The following ATP10A variants were observed in gnomAD, a reference collection of about 807,000 sequenced individuals.
ATP10A encodes ATPase phospholipid transporting 10A (putative).
ATP10A carries 111 observed loss-of-function variants against 147.8 expected under a neutral mutation model. The ratio of observed to expected loss-of-function variants is 0.75; its 90% CI spans 0.64 to 0.88. The LOEUF is 0.88. ATP10A is among the 40% of genes least tolerant of loss of function. ATP10A has a pLI of 0.00. For synonymous variants in ATP10A, 875 were observed against 841.6 expected, an observed-to-expected ratio of 1.04 and a Z score of -0.69; for missense variants, 1,927 against 1,959.0, an observed-to-expected ratio of 0.98 and a Z score of 0.31.
intron 1 of ATP10A, among the ~76,000 whole-genome samples, chr15:25,790,900 A>G (rs1209457989): frequency 1.3e-5 from 2 of 152,126 alleles, no homozygotes; most frequent in African/African-American, 4.8e-5. Context: ...ATTCATTGGT[A>G]TGACAATCCC....
chr15:25,736,332 A>C (rs1028981141), intron 2 of ATP10A, among the ~76,000 whole-genome samples, 191 bp from the exon 3 acceptor site: 1 of 152,232 alleles, frequency 6.6e-6, no homozygotes, highest in Non-Finnish European at 1.5e-5. Context: ...ATCATTTTAT[A>C]ACGAGTGACA....
intron 1 of ATP10A, among the ~76,000 whole-genome samples, chr15:25,809,543 C>G (rs1891339286): frequency 6.6e-6 from 1 of 152,118 alleles, no homozygotes; most frequent in Non-Finnish European, 1.5e-5. Flanking sequence ...GAATGATATT[C>G]TTTTTGTAAA....
At chr15:25,810,947 G>C (rs1385195170) in intron 1 of ATP10A, among the ~76,000 whole-genome samples, 1 of 152,142 alleles carries the variant, frequency 6.6e-6, no homozygotes, top group East Asian at 1.9e-4. Flanking sequence ...TCTGATCTGA[G>C]AGTCAGCAGA....
At chr15:25,756,197 T>C (rs1888398305) in intron 2 of ATP10A, among the ~76,000 whole-genome samples, 1 of 152,222 alleles carries the variant, frequency 6.6e-6, no homozygotes, top group African/African-American at 2.4e-5. Context: ...AAGCAGAAGA[T>C]TGACAAAGGA....
chr15:25,775,255 G>A (rs571953459), intron 2 of ATP10A, among the ~76,000 whole-genome samples: 105 of 152,174 alleles, frequency 6.9e-4, no homozygotes, highest in Non-Finnish European at 1.3e-3. Context: ...AGCATGTGTA[G>A]GTAGCAGTTT....
At chr15:25,805,144 CCT>C (rs1363913453) in intron 1 of ATP10A, among the ~76,000 whole-genome samples, 2 of 152,190 alleles carry the variant, frequency 1.3e-5, no homozygotes, top group Non-Finnish European at 2.9e-5. Context: ...CTATGGGACC[CCT>C]GTCTGCCACG....
rs1889901783 is a variant in ATP10A, at chr15:25,781,121, G to C, written c.552C>G (p.Leu184=). 6.2e-7 allele frequency: 1 copy of C among 1,614,104 alleles called. No homozygotes were observed. The highest frequency in any genetic ancestry group is 8.5e-7 in the Non-Finnish European group (1 of 1,180,056). The part of the protein sequence containing the change: ...NEIFPADILL[L]SSSDPDGLCH... ...ATAGCCCGTCGGGGTCACTGGAGGA[G>C]AGCAGCAGAATGTCCGCAGGGAAGA... The change falls in exon 2 of 21, where the codon CTC becomes CTG. Residue 184 remains leucine, a synonymous_variant. Transcript: ENST00000555815.
rs1407237885 is a variant in ATP10A, at chr15:25,680,791, C to T, written c.3678+19G>A. The T allele has an allele frequency of 1.9e-6, 3 of 1,599,064 alleles. No homozygotes were observed. The highest frequency in any genetic ancestry group is 4.5e-5 in the East Asian group (2 of 44,820). On this transcript the variant is annotated intron_variant, in intron 19 of 20. Transcript: ENST00000555815. ...GCATCAGTGCTCTTCTGAGACGTGGCCATGCAGGCGGCTCTTACCCAGGTT... is the reference window on the plus strand; with the variant it reads ...GCATCAGTGCTCTTCTGAGACGTGGTCATGCAGGCGGCTCTTACCCAGGTT...
intron 2 of ATP10A, among the ~76,000 whole-genome samples, chr15:25,751,183 A>G (rs1041615907): frequency 4.6e-5 from 7 of 152,300 alleles, no homozygotes; most frequent in Admixed American, 2.0e-4. Context: ...TTGCTATCAG[A>G]CAAAGTAAGT....
At chr15:25,792,155 A>G (rs1890456532) in intron 1 of ATP10A, among the ~76,000 whole-genome samples, 1 of 152,232 alleles carries the variant, frequency 6.6e-6, no homozygotes, top group Non-Finnish European at 1.5e-5. Context: ...ACTCTGTTAC[A>G]GATAATATCA....
intron 7 of ATP10A, among the ~76,000 whole-genome samples, chr15:25,718,993 T>TC (rs1175786306): frequency 6.6e-6 from 1 of 152,190 alleles, no homozygotes; most frequent in Non-Finnish European, 1.5e-5. Context: ...CTGAGCAAAT[T>TC]CCCCATGACC....
downstream of ATP10A, among the ~76,000 whole-genome samples, chr15:25,673,786 C>T (rs1175891330): frequency 6.6e-6 from 1 of 152,200 alleles, no homozygotes; most frequent in African/African-American, 2.4e-5. Flanking sequence ...GGCAATGCTT[C>T]TCTCTGGGAG....
At chr15:25,777,851 A>C (rs187422825) in intron 2 of ATP10A, among the ~76,000 whole-genome samples, 29 of 149,898 alleles carry the variant, frequency 1.9e-4, no homozygotes, top group African/African-American at 7.1e-4. Context: ...GCCTCAAACA[A>C]TCCTCCTGTC....
chr15:25,714,762 T>A (rs1308126239), intron 9 of ATP10A, among the ~76,000 whole-genome samples: 5 of 152,142 alleles, frequency 3.3e-5, no homozygotes, highest in Non-Finnish European at 5.9e-5. Flanking sequence ...ACTGGGCATT[T>A]TTTTTCCAAT....
intron 3 of ATP10A, among the ~76,000 whole-genome samples, chr15:25,728,764 T>G (rs1198412806): frequency 6.6e-6 from 1 of 152,228 alleles, no homozygotes; most frequent in Non-Finnish European, 1.5e-5. Flanking sequence ...TTTGAGCAAC[T>G]ACTGTGATTT....
At chr15:25,823,761 G>A (rs1018995426) in intron 1 of ATP10A, among the ~76,000 whole-genome samples, 21 of 152,152 alleles carry the variant, frequency 1.4e-4, no homozygotes, top group Non-Finnish European at 2.9e-5. Context: ...TGACATTAGA[G>A]CTTTTAAAAT....
At chr15:25,776,082 T>A (rs1176644864) in intron 2 of ATP10A, among the ~76,000 whole-genome samples, 1 of 152,244 alleles carries the variant, frequency 6.6e-6, no homozygotes, top group African/African-American at 2.4e-5. Context: ...TCAGTACGTA[T>A]CTGCTGAATG....
intron 1 of ATP10A, among the ~76,000 whole-genome samples, chr15:25,783,485 C>CT (rs1555469252): frequency 6.6e-6 from 1 of 151,730 alleles, no homozygotes; most frequent in African/African-American, 2.4e-5. Flanking sequence ...GGACCCCCCC[C>CT]TGGCAAAGTT....
chr15:25,701,140 C>T (rs558955895), intron 13 of ATP10A, among the ~76,000 whole-genome samples: 1 of 152,312 alleles, frequency 6.6e-6, no homozygotes, highest in African/African-American at 2.4e-5. Context: ...GGCAGCCTTT[C>T]CTACGCTTAC....
Sources: gnomAD v4.1 joint callset for allele counts (sites outside exome capture counted in the v4.1 genomes callset) on GRCh38, gnomAD v4.1.1 for gene constraint, MANE v1.5 for transcripts, NCBI Gene and HGNC (gene_info 2026-07-23, HGNC 2026-07-21) for gene names.